The following NUDC variants were observed in gnomAD, a reference collection of about 807,000 sequenced individuals.
NUDC encodes nuclear distribution C, dynein complex regulator.
Under a neutral mutation model 45.0 loss-of-function variants are expected in NUDC, and 14 were observed. The observed-to-expected ratio is 0.31, with a 90% CI of 0.21 to 0.49. The LOEUF (loss-of-function observed/expected upper bound fraction) is 0.49, where lower values mean the gene tolerates loss of function less well. Among genes scored for constraint, NUDC ranks in the 20% least tolerant of loss-of-function variants. The probability of loss-of-function intolerance (pLI) is 0.99; values close to 1 mark genes in which losing one functional copy is unlikely to be tolerated. For synonymous variants in NUDC, 153 were observed against 156.7 expected (o/e 0.98, Z 0.17); for missense variants, 323 against 426.2 (o/e 0.76, Z 2.13).
Position 26,946,354 on chromosome 1 carries a change from C to G in NUDC, c.*173C>G. 2 of 679,588 alleles carry G rather than the reference C, an allele frequency of 2.9e-6. No homozygotes were observed. Among genetic ancestry groups the G allele is most frequent in the Non-Finnish European group, 5.4e-6 (2 of 373,498 alleles). 42.1% of individuals were successfully genotyped at this position (679,588 alleles called of 1,614,324 possible). A position where few individuals can be genotyped will look rare whatever the true frequency, so the allele number is the denominator to read the frequency against. On this transcript the variant is annotated 3_prime_UTR_variant, in exon 9 of 9. Coordinates refer to ENST00000321265, the MANE Select transcript of NUDC (RefSeq NM_006600.4). ...GGCTGGGTCTTGGGACCTTGTCCTC[C>G]CCAGTTGGCCTACTGTTACACATTA...
At chr1:26,932,800 C>G (rs1396931922) in intron 2 of NUDC, among the ~76,000 whole-genome samples, 1 of 152,102 alleles carries the variant, frequency 6.6e-6, no homozygotes, top group East Asian at 1.9e-4. Context: ...TGTAGGTTGA[C>G]TACTGTAGAT....
At chr1:26,919,985 G>T (rs2082080719), upstream of NUDC, among the ~76,000 whole-genome samples, 1 of 152,190 alleles carries the variant, frequency 6.6e-6, no homozygotes. Flanking sequence ...AGAAGACACA[G>T]ATCAACTCCA....
chr1:26,935,004 CAG>C (rs1195201701), intron 2 of NUDC, among the ~76,000 whole-genome samples: 5 of 137,672 alleles, frequency 3.6e-5, no homozygotes, highest in African/African-American at 1.1e-4. Context: ...TCTTTTGAGA[CAG>C]AGTCTCGCTC....
chr1:26,933,006 T>C (rs963528239), intron 2 of NUDC, among the ~76,000 whole-genome samples: 4 of 152,182 alleles, frequency 2.6e-5, no homozygotes, highest in African/African-American at 7.2e-5. Context: ...CTCTGTTTCT[T>C]GCCCACGCTG....
chr1:26,924,594 C>T (rs911044211), intron 2 of NUDC, among the ~76,000 whole-genome samples: 2 of 152,230 alleles, frequency 1.3e-5, no homozygotes, highest in African/African-American at 4.8e-5. Context: ...TGCTTTGTCA[C>T]CCAAGCTGAA....
chr1:26,932,743 G>A (rs1471936303), intron 2 of NUDC, among the ~76,000 whole-genome samples: 1 of 152,066 alleles, frequency 6.6e-6, no homozygotes, highest in Non-Finnish European at 1.5e-5. Context: ...AAGCAACTTC[G>A]CTTTGTTCCC....
chr1:26,929,697 G>A lies in NUDC; in HGVS notation c.159+5531G>A, dbSNP rs61094625. The stretch of plus-strand genomic sequence containing the variant: ...ATATTTTTTGATGAGTAAATATTAT[G>A]TGACTATCTAAAAGAAAAGTTACTG... On this transcript the variant is annotated intron_variant, in intron 2 of 8. Coordinates refer to ENST00000321265, the MANE Select transcript of NUDC (RefSeq NM_006600.4). 2,592 of 446,906 alleles carry A rather than the reference G, an allele frequency of 5.8e-3. 60 individuals carry two copies. Among genetic ancestry groups the A allele is most frequent in the African/African-American group, 0.047 (2,376 of 50,194 alleles). 27.7% of individuals were successfully genotyped at this position (446,906 alleles called of 1,614,324 possible). A position where few individuals can be genotyped will look rare whatever the true frequency, so the allele number is the denominator to read the frequency against.
chr1:26,908,950 C>G (rs182096761), intron 2 of NUDC, among the ~76,000 whole-genome samples: 168 of 151,802 alleles, frequency 1.1e-3, no homozygotes, highest in African/African-American at 3.7e-3. Context: ...TGGTCTTGAA[C>G]TCCGACCTCG....
chr1:26,913,626 C>T (rs772957341), intron 3 of NUDC: 1 of 1,614,050 alleles, frequency 6.2e-7, no homozygotes, highest in Non-Finnish European at 8.5e-7. Flanking sequence ...CCTCAAAGGT[C>T]ACAGCATCTT....
At chr1:26,913,751 CCA>C in intron 3 of NUDC, 1 of 1,588,294 alleles carries the variant, frequency 6.3e-7, no homozygotes, top group Non-Finnish European at 8.6e-7. Context: ...ACTGTCTTGG[CCA>C]GAACATCCAA....
chr1:26,941,950 A>G (rs775139924), intron 4 of NUDC, 132 bp downstream of exon 4: 26 of 866,670 alleles, frequency 3.0e-5, no homozygotes, highest in Non-Finnish European at 5.0e-5. Flanking sequence ...AATCTTCCCC[A>G]TACTTTAAGA....
In NUDC at chr1:26,924,052, G is replaced by A. The variant is rs1406413813; in HGVS notation, c.82-37G>A. 4.4e-6 allele frequency: 7 copies of A among 1,599,320 alleles called. No individual in the cohort carries two copies. In the East Asian group the frequency reaches 1.6e-4, roughly 36 times the overall value. On this transcript the variant is annotated intron_variant, in intron 1 of 8. Transcript: ENST00000321265. ...GTGTGCAGTTGAAGGGCTCCCAAAT[G>A]CAGCTCTACTACTTTAATCTTCTCC...
chr1:26,925,538 CA>C (rs71010305), intron 2 of NUDC, among the ~76,000 whole-genome samples: 6,993 of 43,430 alleles, frequency 0.16, 55 homozygotes, highest in African/African-American at 0.23. Flanking sequence ...GACTCCGTCT[CA>C]AAAAAAAAAA....
intron 6 of NUDC, chr1:26,945,020 CAAG>C (rs1000076309): frequency 3.2e-5 from 9 of 284,912 alleles, no homozygotes; most frequent in Admixed American, 2.3e-4. Flanking sequence ...CCAGCCTGGA[CAAG>C]AAGAACAAGA....
intron 1 of NUDC, chr1:26,922,388 G>A (rs570829011): frequency 5.8e-5 from 12 of 207,462 alleles, no homozygotes; most frequent in Middle Eastern, 2.2e-3. Flanking sequence ...TTCACGATTA[G>A]TTTCCACCAC....
chr1:26,939,121 G>C (rs570968275), intron 2 of NUDC, among the ~76,000 whole-genome samples: 2 of 152,242 alleles, frequency 1.3e-5, no homozygotes, highest in South Asian at 4.1e-4. Context: ...AGCCTCCCAG[G>C]TAGCTGGGAC....
intron 2 of NUDC, among the ~76,000 whole-genome samples, chr1:26,941,148 A>G (rs2082273258): frequency 7.4e-6 from 1 of 134,678 alleles, no homozygotes; most frequent in African/African-American, 2.9e-5. Flanking sequence ...CATGTTGGCC[A>G]GGATGGTCTT....
At chr1:26,920,361 G>T (rs1169983318), upstream of NUDC, among the ~76,000 whole-genome samples, 1 of 152,048 alleles carries the variant, frequency 6.6e-6, no homozygotes, top group Admixed American at 6.6e-5. Context: ...GCGTAGTGGT[G>T]CCTGTAATCC....
At chr1:26,921,589 A>G (rs2124089311), upstream of NUDC, 1 of 564,432 alleles carries the variant, frequency 1.8e-6, no homozygotes, top group South Asian at 2.0e-5. Context: ...CGCTTCGTGG[A>G]CGCGCTTGTT....
Sources: allele counts gnomAD v4.1 joint callset (sites outside exome capture counted in the v4.1 genomes callset), GRCh38; gene constraint gnomAD v4.1.1; transcripts MANE v1.5; gene names NCBI Gene and HGNC (gene_info 2026-07-23, HGNC 2026-07-21).